RAPGEF4: variants seen among roughly 807,000 people sequenced by gnomAD.
RAPGEF4 encodes Rap guanine nucleotide exchange factor 4.
RAPGEF4 carries 66 observed loss-of-function variants against 147.9 expected under a neutral mutation model. The observed-to-expected ratio is 0.45, with a 90% CI of 0.37 to 0.55. The LOEUF is 0.55. Among genes scored for constraint, RAPGEF4 ranks in the 20% least tolerant of loss-of-function variants. The pLI is 0.00. For missense variants in RAPGEF4, 1,071 were observed against 1,257.3 expected, an observed-to-expected ratio of 0.85 and a Z score of 2.24; for synonymous variants, 419 against 442.7, an observed-to-expected ratio of 0.95 and a Z score of 0.67.
At chr2:172,920,789 C>A (rs1057470326) in intron 5 of RAPGEF4, among the ~76,000 whole-genome samples, 2 of 152,086 alleles carry the variant, frequency 1.3e-5, no homozygotes, top group African/African-American at 4.8e-5. Context: ...TACAATCAAC[C>A]CTAGTTCTTT....
chr2:172,736,005 C>A lies in RAPGEF4; in HGVS notation c.22C>A (p.His8Asn). 2 of 1,479,922 alleles carry A rather than the reference C, an allele frequency of 1.4e-6. No homozygotes were observed. The allele number at this position is 1,479,922 out of a possible 1,614,324, so 91.7% of individuals were successfully genotyped here. Residue 8 changes from histidine to asparagine, a missense_variant, in exon 1 of 31, where the codon CAT (histidine) becomes AAT (asparagine). Coordinates refer to ENST00000397081, the MANE Select transcript of RAPGEF4 (RefSeq NM_007023.4). MVAAHAAHSSSSAEWIAC... is the reference protein window; with the variant it reads MVAAHAANSSSSAEWIAC... ...CAACATGGTCGCTGCGCACGCTGCC[C>A]ATTCTTCCTCCTCTGCCGAGTGGAT...
At chr2:172,753,101 A>G (rs1167919316) in intron 1 of RAPGEF4, among the ~76,000 whole-genome samples, 1 of 152,162 alleles carries the variant, frequency 6.6e-6, no homozygotes, top group African/African-American at 2.4e-5. Flanking sequence ...CACAGGAGAA[A>G]TGAGCAATGA....
chr2:172,945,166 AC>A (rs1473112488), intron 6 of RAPGEF4, among the ~76,000 whole-genome samples: 2 of 152,180 alleles, frequency 1.3e-5, no homozygotes, highest in African/African-American at 2.4e-5. Context: ...ATAAAAGAAA[AC>A]AAAACTATGT....
At chr2:172,846,863 T>A (rs183476013) in intron 4 of RAPGEF4, among the ~76,000 whole-genome samples, 2 of 152,298 alleles carry the variant, frequency 1.3e-5, no homozygotes, top group East Asian at 3.9e-4. Flanking sequence ...CCTCCACAGA[T>A]GCTCTGTGCT....
intron 1 of RAPGEF4, among the ~76,000 whole-genome samples, chr2:172,792,197 G>A (rs1012835001): frequency 4.6e-5 from 7 of 152,200 alleles, no homozygotes; most frequent in Non-Finnish European, 7.3e-5. Context: ...CAGTAGGGGC[G>A]CCTCTGCCAG....
intron 1 of RAPGEF4, among the ~76,000 whole-genome samples, chr2:172,755,042 C>CA (rs561675322): frequency 1.6e-4 from 23 of 148,046 alleles, no homozygotes; most frequent in Admixed American, 6.0e-4. Context: ...GACTCCATCT[C>CA]AAAAAAAAAA....
intron 1 of RAPGEF4, among the ~76,000 whole-genome samples, chr2:172,786,373 G>A (rs1685202163): frequency 6.6e-6 from 1 of 152,054 alleles, no homozygotes; most frequent in South Asian, 2.1e-4. Flanking sequence ...AGCTCCTCGT[G>A]GATACTGTTG....
chr2:172,808,876 A>G (rs1467459742), intron 3 of RAPGEF4, among the ~76,000 whole-genome samples: 1 of 152,140 alleles, frequency 6.6e-6, no homozygotes, highest in Non-Finnish European at 1.5e-5. Context: ...TGTTCTGACC[A>G]TGGGTAGCCT....
rs765886512 is a variant in RAPGEF4, at chr2:172,814,348, C to T, written c.367C>T (p.Arg123Cys). The T allele has an allele frequency of 1.3e-5, 21 of 1,614,020 alleles. No homozygotes were observed. The highest frequency in any genetic ancestry group is 1.6e-4 in the Middle Eastern group (1 of 6,082). Residue 123 changes from arginine to cysteine, a missense_variant, in exon 4 of 31, where the codon CGC becomes TGC. Coordinates refer to ENST00000397081, the MANE Select transcript of RAPGEF4 (RefSeq NM_007023.4). ...AGAGTCCATTCTGGACAACACACCC[C>T]GCCATGCAACCATCGTTACCAGGGA... Reference protein sequence around the residue: ...FGESILDNTPRHATIVTRESS... With the variant: ...FGESILDNTPCHATIVTRESS...
chr2:173,035,774 C>A (rs1683918371), intron 27 of RAPGEF4, among the ~76,000 whole-genome samples: 3 of 152,084 alleles, frequency 2.0e-5, no homozygotes, highest in African/African-American at 7.2e-5. Context: ...TTATTATGTA[C>A]TATATTCTTA....
At chr2:172,942,434 C>T (rs567492156) in intron 6 of RAPGEF4, among the ~76,000 whole-genome samples, 11 of 151,834 alleles carry the variant, frequency 7.2e-5, no homozygotes, top group Admixed American at 1.3e-4. Flanking sequence ...CTTTTCCTAA[C>T]GGATGTCCAC....
chr2:173,008,291 A>C (rs1433258795), intron 17 of RAPGEF4, among the ~76,000 whole-genome samples: 1 of 152,188 alleles, frequency 6.6e-6, no homozygotes, highest in Non-Finnish European at 1.5e-5. Flanking sequence ...TCTTTACAGC[A>C]GTGTGAGAAT....
At chr2:172,965,228 G>T in intron 8 of RAPGEF4, 1 of 285,138 alleles carries the variant, frequency 3.5e-6, no homozygotes, top group East Asian at 7.4e-5. Context: ...GATTTTCTGG[G>T]ACCGGCTCAC....
intron 4 of RAPGEF4, among the ~76,000 whole-genome samples, chr2:172,840,554 C>A (rs1285183468): frequency 2.0e-5 from 3 of 152,196 alleles, no homozygotes; most frequent in Admixed American, 6.5e-5. Context: ...TTGGGGCGAG[C>A]TACTCAGTAA....
At chr2:172,826,021 A>G (rs1689630900) in intron 4 of RAPGEF4, among the ~76,000 whole-genome samples, 1 of 152,114 alleles carries the variant, frequency 6.6e-6, no homozygotes, top group Non-Finnish European at 1.5e-5. Context: ...CTGTAACAAA[A>G]TTTTGTGAAG....
intron 1 of RAPGEF4, among the ~76,000 whole-genome samples, chr2:172,753,716 A>G (rs1458425815): frequency 6.6e-6 from 1 of 151,998 alleles, no homozygotes; most frequent in Non-Finnish European, 1.5e-5. Flanking sequence ...TTTTTTTTTA[A>G]AGCTTACTAA....
chr2:172,755,363 C>T (rs1695671188), intron 1 of RAPGEF4, among the ~76,000 whole-genome samples: 1 of 152,108 alleles, frequency 6.6e-6, no homozygotes, highest in African/African-American at 2.4e-5. Flanking sequence ...ACAAATTGAG[C>T]TAATAACAAT....
chr2:173,036,761 G>A, intron 29 of RAPGEF4, 69 bp downstream of exon 29: 1 of 1,162,252 alleles, frequency 8.6e-7, no homozygotes, highest in Non-Finnish European at 1.2e-6. Context: ...TTCTAATAAA[G>A]GAAATAATTT....
At chr2:172,760,805 A>G (rs909123313) in intron 1 of RAPGEF4, among the ~76,000 whole-genome samples, 4 of 152,174 alleles carry the variant, frequency 2.6e-5, no homozygotes, top group Non-Finnish European at 5.9e-5. Flanking sequence ...ATCGAACAAT[A>G]TAAGTTACCC....
Sources: allele counts gnomAD v4.1 joint callset (sites outside exome capture counted in the v4.1 genomes callset), GRCh38; gene constraint gnomAD v4.1.1; transcripts MANE v1.5; gene names NCBI Gene and HGNC (gene_info 2026-07-23, HGNC 2026-07-21).